ALCAM: variants seen among roughly 807,000 people sequenced by gnomAD.
ALCAM encodes the protein activated leukocyte cell adhesion molecule, also known as CD166 antigen.
A neutral mutation model predicts 70.9 loss-of-function variants in ALCAM; 30 were observed. The ratio of observed to expected loss-of-function variants is 0.42; its 90% confidence interval spans 0.32 to 0.57. ALCAM has a LOEUF of 0.57. ALCAM is among the 20% of genes least tolerant of loss of function. ALCAM has a pLI of 0.11. For missense variants in ALCAM, 591 were observed against 695.1 expected (o/e 0.85, Z 1.68); for synonymous variants, 249 against 242.5 (o/e 1.03, Z -0.25).
chr3:105,414,243 CAA>C (rs11336904), intron 1 of ALCAM, among the ~76,000 whole-genome samples: 2,429 of 138,568 alleles, frequency 0.018, 24 homozygotes, highest in Middle Eastern at 0.058. Flanking sequence ...TTCCATCTTA[CAA>C]AAAAAAAAAA....
At chr3:105,557,532 T>A (rs923578606) in intron 14 of ALCAM, among the ~76,000 whole-genome samples, 11 of 152,118 alleles carry the variant, frequency 7.2e-5, no homozygotes, top group African/African-American at 1.9e-4. Context: ...TTCATTTTTT[T>A]AAAAAAGATC....
chr3:105,375,258 A>G (rs945388504), intron 1 of ALCAM, among the ~76,000 whole-genome samples: 1 of 152,208 alleles, frequency 6.6e-6, no homozygotes, highest in Non-Finnish European at 1.5e-5. Context: ...ATGAGCTGGT[A>G]CAATTATTAA....
chr3:105,467,994 C>T (rs1235891130), intron 1 of ALCAM, among the ~76,000 whole-genome samples: 1 of 150,968 alleles, frequency 6.6e-6, no homozygotes, highest in East Asian at 1.9e-4. Flanking sequence ...ATTTTTGCCC[C>T]ATGAAAAAGA....
intron 1 of ALCAM, among the ~76,000 whole-genome samples, chr3:105,476,506 T>C (rs1261779145): frequency 6.6e-6 from 1 of 152,088 alleles, no homozygotes; most frequent in Non-Finnish European, 1.5e-5. Flanking sequence ...TTTTCCATCT[T>C]CGCCATCTCT....
chr3:105,461,151 G>A (rs1478725409), intron 1 of ALCAM, among the ~76,000 whole-genome samples: 1 of 151,708 alleles, frequency 6.6e-6, no homozygotes, highest in African/African-American at 2.4e-5. Flanking sequence ...CAGGATGGGG[G>A]CTGATAGGAA....
chr3:105,496,730 G>T (rs965715631), intron 1 of ALCAM, among the ~76,000 whole-genome samples: 42 of 151,888 alleles, frequency 2.8e-4, no homozygotes, highest in African/African-American at 1.0e-3. Context: ...AAATTGTGAG[G>T]TGATTTTTTA....
At chr3:105,380,631 G>A (rs1019351782) in intron 1 of ALCAM, among the ~76,000 whole-genome samples, 1 of 151,720 alleles carries the variant, frequency 6.6e-6, no homozygotes, top group Non-Finnish European at 1.5e-5. Context: ...TCAATGATGG[G>A]CCTCATTTTT....
rs551722889 is a variant in ALCAM at position 105,369,320 on chromosome 3, C to T, written c.73+1839C>T. Reference sequence around the variant, plus strand: ...GAAAGTTCCGCTTTCAGACCTCCTTCACGGTGGTTCTTTTGGCGCCACAGG... The same window carrying T: ...GAAAGTTCCGCTTTCAGACCTCCTTTACGGTGGTTCTTTTGGCGCCACAGG... On this transcript the variant is annotated intron_variant, in intron 1 of 15. Transcript: ENST00000306107. 2.6e-5 allele frequency among the ~76,000 whole-genome samples: 4 copies of T among 152,312 alleles called. No homozygotes were observed. The South Asian group carries it at 8.3e-4, about 32-fold the overall frequency.
Position 105,367,414 on chromosome 3 carries a change from A to G in ALCAM, c.6A>G (p.Glu2=). 1 of 1,613,770 alleles carries G rather than the reference A, an allele frequency of 6.2e-7. No homozygotes were observed. The highest frequency in any genetic ancestry group is 8.5e-7 in the Non-Finnish European group (1 of 1,179,816). The change falls in exon 1 of 16, where the codon GAA becomes GAG. Residue 2 remains glutamate, a synonymous_variant. Transcript: ENST00000306107. M[E]SKGASSCRLL... is the part of the protein sequence containing the mutation. ...CACCAAGAAGGAGGAGGAATATGGA[A>G]TCCAAGGGGGCCAGTTCCTGCCGTC...
intron 1 of ALCAM, among the ~76,000 whole-genome samples, chr3:105,513,911 G>T (rs1225435971): frequency 2.0e-5 from 3 of 151,946 alleles, no homozygotes; most frequent in Admixed American, 1.3e-4. Context: ...CTACTCTGTA[G>T]AAATTGTTAT....
rs1177797423 is a variant in ALCAM at position 105,575,580 on chromosome 3, A to T, written c.*1129A>T. 1 of 152,592 alleles carries T rather than the reference A, an allele frequency of 6.6e-6. No homozygotes were observed. The highest frequency in any genetic ancestry group is 1.5e-5 in the Non-Finnish European group (1 of 68,028). 9.5% of individuals were successfully genotyped at this position (152,592 alleles called of 1,614,324 possible). A position where few individuals can be genotyped will look rare whatever the true frequency, so the allele number is the denominator to read the frequency against. ...GCAGTACATGAAAGTGTAATAATAAAATGTCTATGTATCTTTAGTTACATT... is the reference window on the plus strand; with the variant it reads ...GCAGTACATGAAAGTGTAATAATAATATGTCTATGTATCTTTAGTTACATT... On this transcript the variant is annotated 3_prime_UTR_variant, in exon 16 of 16. Coordinates refer to ENST00000306107, the MANE Select transcript of ALCAM (RefSeq NM_001627.4).
At chr3:105,371,224 T>C (rs552809580) in intron 1 of ALCAM, among the ~76,000 whole-genome samples, 2 of 152,268 alleles carry the variant, frequency 1.3e-5, no homozygotes, top group African/African-American at 4.8e-5. Context: ...TTGTATATTG[T>C]AGTCAGTATT....
chr3:105,529,707 T>A (rs1009371849), intron 3 of ALCAM, among the ~76,000 whole-genome samples: 3 of 152,222 alleles, frequency 2.0e-5, no homozygotes, highest in African/African-American at 7.2e-5. Flanking sequence ...TTTCATTTCA[T>A]TGAAAAAATA....
At chr3:105,517,033 G>A (rs541852700) in intron 1 of ALCAM, among the ~76,000 whole-genome samples, 7 of 152,014 alleles carry the variant, frequency 4.6e-5, no homozygotes, top group Non-Finnish European at 1.0e-4. Flanking sequence ...AGAATCATTC[G>A]AGTTGACAGG....
At chr3:105,471,225 AT>A (rs1937915867) in intron 1 of ALCAM, among the ~76,000 whole-genome samples, 1 of 151,362 alleles carries the variant, frequency 6.6e-6, no homozygotes, top group East Asian at 1.9e-4. Context: ...AAAATTTTTT[AT>A]TGTTCAGTAA....
At chr3:105,490,382 A>G (rs1559808936) in intron 1 of ALCAM, among the ~76,000 whole-genome samples, 1 of 152,212 alleles carries the variant, frequency 6.6e-6, no homozygotes, top group Non-Finnish European at 1.5e-5. Context: ...ATCTGTTCAG[A>G]TTTCCTTTGT....
In ALCAM at chr3:105,534,763, G is replaced by T. The variant is rs577619201; in HGVS notation, c.648G>T (p.Met216Ile). ...AGACAACCAAGGCTGACATACAAAT[G>T]CCATTCACCTGCTCGGTGACATATT... ...EYKTTKADIQMPFTCSVTYYG... is the reference protein window; with the variant it reads ...EYKTTKADIQIPFTCSVTYYG... Residue 216 changes from methionine (M) to isoleucine (I), a missense_variant, in exon 6 of 16, where the codon ATG (methionine) becomes ATT (isoleucine). Coordinates refer to ENST00000306107, the MANE Select transcript of ALCAM (RefSeq NM_001627.4). 2 of 1,613,734 alleles carry T rather than the reference G, an allele frequency of 1.2e-6. No homozygotes were observed. Among genetic ancestry groups the T allele is most frequent in the South Asian group, 2.2e-5 (2 of 91,070 alleles).
At chr3:105,476,726 T>G (rs1938123224) in intron 1 of ALCAM, among the ~76,000 whole-genome samples, 1 of 152,032 alleles carries the variant, frequency 6.6e-6, no homozygotes. Context: ...CTAGAAAACA[T>G]TTGTTCACCT....
At chr3:105,547,570 T>C in intron 11 of ALCAM, 47 bp downstream of exon 11, 2 of 1,563,952 alleles carry the variant, frequency 1.3e-6, no homozygotes, top group Non-Finnish European at 1.7e-6. Context: ...TCCAATGCGT[T>C]TTTTTTCCTT....
Sources: gnomAD v4.1 joint callset for allele counts (sites outside exome capture counted in the v4.1 genomes callset) on GRCh38, gnomAD v4.1.1 for gene constraint, MANE v1.5 for transcripts, NCBI Gene and HGNC (gene_info 2026-07-23, HGNC 2026-07-21) for gene names.